ABCB1: variants seen among roughly 807,000 people sequenced by gnomAD.
ABCB1 encodes the protein ATP binding cassette subfamily B member 1.
In ABCB1, 69 loss-of-function variants were observed where a neutral mutation model predicts 142.0. The observed-to-expected ratio is 0.49, with a 90% CI of 0.40 to 0.59. The LOEUF is 0.59. Among genes scored for constraint, ABCB1 ranks in the 20% least tolerant of loss-of-function variants. ABCB1 has a pLI of 0.00. For missense variants in ABCB1, 1,326 were observed against 1,554.7 expected (o/e 0.85, Z 2.47); for synonymous variants, 532 against 539.2 (o/e 0.99, Z 0.18).
chr7:87,610,028 G>A (rs1185001160), intron 1 of ABCB1, among the ~76,000 whole-genome samples: 4 of 152,126 alleles, frequency 2.6e-5, no homozygotes, highest in Non-Finnish European at 5.9e-5. Flanking sequence ...ACCTTTTCTT[G>A]AGACACAGAT....
At chr7:87,513,667 A>G (rs1815113287) in intron 25 of ABCB1, among the ~76,000 whole-genome samples, 1 of 152,088 alleles carries the variant, frequency 6.6e-6, no homozygotes, top group African/African-American at 2.4e-5. Flanking sequence ...CGCAGCTTGT[A>G]TTTTCTCTTA....
intron 1 of ABCB1, among the ~76,000 whole-genome samples, chr7:87,680,070 C>A (rs1826776646): frequency 6.6e-6 from 1 of 150,418 alleles, no homozygotes; most frequent in Non-Finnish European, 1.5e-5. Context: ...CGTTCCCCAC[C>A]CTGTGTCCAT....
intron 27 of ABCB1, 56 bp from the exon 28 acceptor site, chr7:87,504,505 T>C (rs771098452): frequency 2.8e-5 from 45 of 1,600,714 alleles, no homozygotes; most frequent in Non-Finnish European, 3.2e-5. Context: ...CTAATTCCTC[T>C]TCCATAAAAA....
At chr7:87,595,938 T>C (rs1011407096) in intron 2 of ABCB1, 124 bp from the exon 3 acceptor site, 3 of 733,336 alleles carry the variant, frequency 4.1e-6, no homozygotes, top group African/African-American at 3.6e-5. Context: ...TATTATACAG[T>C]TAAAAAACAG....
chr7:87,562,453 G>T (rs1292605298), intron 7 of ABCB1, among the ~76,000 whole-genome samples: 1 of 152,120 alleles, frequency 6.6e-6, no homozygotes, highest in African/African-American at 2.4e-5. Context: ...GAATAGAGGA[G>T]GCTCATACAA....
At chr7:87,529,351 G>A (rs562641576) in intron 21 of ABCB1, among the ~76,000 whole-genome samples, 28 of 152,334 alleles carry the variant, frequency 1.8e-4, no homozygotes, top group Middle Eastern at 6.8e-3. Flanking sequence ...AGCAGCTTGA[G>A]AAGTGTGTTC....
At chr7:87,609,405 T>C (rs1244062023) in intron 1 of ABCB1, among the ~76,000 whole-genome samples, 1 of 152,134 alleles carries the variant, frequency 6.6e-6, no homozygotes, top group Non-Finnish European at 1.5e-5. Flanking sequence ...AATGTAGAGG[T>C]CATCTTATCC....
At chr7:87,594,294 C>A (rs924844603) in intron 3 of ABCB1, among the ~76,000 whole-genome samples, 1 of 152,080 alleles carries the variant, frequency 6.6e-6, no homozygotes, top group African/African-American at 2.4e-5. Flanking sequence ...TAGTATCTTT[C>A]TCAAAAGGAG....
chr7:87,554,233 A>G (rs1297893659), intron 8 of ABCB1, among the ~76,000 whole-genome samples: 2 of 152,156 alleles, frequency 1.3e-5, no homozygotes, highest in Non-Finnish European at 2.9e-5. Flanking sequence ...ACATTGTTTC[A>G]TACACAAGAC....
rs2117067940 is a variant in ABCB1, at chr7:87,509,367, A to G, written c.3397T>C (p.Tyr1133His). Residue 1133 changes from tyrosine to histidine, a missense_variant, in exon 26 of 28, where the codon TAT becomes CAT. Tyr to His is a moderately conservative substitution (Grantham distance 83). Transcript: ENST00000622132. Reference sequence around the variant, plus strand: ...GACACCACCCGGCTGTTGTCTCCATAGGCAATGTTCTCAGCAATGCTGCAG... The same window carrying G: ...GACACCACCCGGCTGTTGTCTCCATGGGCAATGTTCTCAGCAATGCTGCAG... ...FDCSIAENIA[Y>H]GDNSRVVSQE... 1.2e-6 allele frequency: 2 copies of G among 1,614,146 alleles called. No homozygotes were observed. The highest frequency in any genetic ancestry group is 1.7e-6 in the Non-Finnish European group (2 of 1,180,016).
Position 87,545,980 on chromosome 7 carries a change from A to T in ABCB1, c.1770T>A (p.Ser590=). ...RTTIVIAHRL[S]TVRNADVIAG... Reference sequence around the variant, plus strand: ...CGATGACGTCAGCATTACGAACTGTAGACAAACGATGAGCTATCACAATGG... The same window carrying T: ...CGATGACGTCAGCATTACGAACTGTTGACAAACGATGAGCTATCACAATGG... The change falls in exon 15 of 28, where the codon TCT becomes TCA. Residue 590 remains serine (S), a synonymous_variant. Transcript: ENST00000622132. The T allele has an allele frequency of 6.2e-7, 1 of 1,614,176 alleles. No individual in the cohort carries two copies. Among genetic ancestry groups the T allele is most frequent in the Non-Finnish European group, 8.5e-7 (1 of 1,180,022 alleles).
chr7:87,526,831 C>G (rs977437928), intron 21 of ABCB1, among the ~76,000 whole-genome samples: 1 of 152,148 alleles, frequency 6.6e-6, no homozygotes, highest in African/African-American at 2.4e-5. Context: ...CTTCAAGGAT[C>G]AGGGATGAAC....
chr7:87,591,131 G>A (rs1002350343), intron 3 of ABCB1, among the ~76,000 whole-genome samples: 1 of 152,158 alleles, frequency 6.6e-6, no homozygotes, highest in Non-Finnish European at 1.5e-5. Context: ...AGGGGGCCTG[G>A]AGTCAGTAGG....
intron 1 of ABCB1, among the ~76,000 whole-genome samples, chr7:87,636,463 A>G (rs184093551): frequency 2.6e-4 from 40 of 152,208 alleles, no homozygotes; most frequent in African/African-American, 8.2e-4. Context: ...TACATTCTGT[A>G]TGGGAATCTT....
chr7:87,520,965 T>C lies in ABCB1; in HGVS notation c.2686-89A>G, dbSNP rs562444994. 4 of 959,422 alleles carry C rather than the reference T, an allele frequency of 4.2e-6. No individual in the cohort carries two copies. In the South Asian group the frequency reaches 5.5e-5, roughly 13 times the overall value. 59.4% of individuals were successfully genotyped at this position (959,422 alleles called of 1,614,324 possible). ...CTATAAAACAGACTAATGAAAATAA[T>C]TTTATGATTACATATTTATTATTAT... On this transcript the variant is annotated intron_variant, in intron 21 of 27. Coordinates refer to ENST00000622132, the MANE Select transcript of ABCB1 (RefSeq NM_001348946.2).
chr7:87,555,772 T>A (rs1584877209), intron 8 of ABCB1, among the ~76,000 whole-genome samples: 1 of 152,158 alleles, frequency 6.6e-6, no homozygotes, highest in East Asian at 1.9e-4. Flanking sequence ...TCTCACTTTA[T>A]GAGTTGATCT....
At chr7:87,564,202 T>C (rs1278157049) in intron 7 of ABCB1, 1 of 438,584 alleles carries the variant, frequency 2.3e-6, no homozygotes, top group Non-Finnish European at 4.5e-6. Context: ...TAAACCTGCC[T>C]TACTCTAGCC....
upstream of ABCB1, among the ~76,000 whole-genome samples, chr7:87,604,223 ATCTC>A (rs1332377211): frequency 6.6e-6 from 1 of 151,496 alleles, no homozygotes; most frequent in Non-Finnish European, 1.5e-5. Context: ...TCTTTCTCTG[ATCTC>A]TCTAATAATT....
intron 1 of ABCB1, among the ~76,000 whole-genome samples, chr7:87,674,804 G>C (rs1482415571): frequency 6.6e-6 from 1 of 152,058 alleles, no homozygotes; most frequent in East Asian, 1.9e-4. Context: ...CTGACAGGAG[G>C]GTGCTTAGAT....
Sources: allele counts gnomAD v4.1 joint callset (sites outside exome capture counted in the v4.1 genomes callset), GRCh38; gene constraint gnomAD v4.1.1; transcripts MANE v1.5; gene names NCBI Gene and HGNC (gene_info 2026-07-23, HGNC 2026-07-21).